EDIL3: variants seen among roughly 807,000 people sequenced by gnomAD.
EDIL3 encodes EGF like and discoidin domains 3.
In EDIL3, 37 loss-of-function variants were observed where a neutral mutation model predicts 67.4. The ratio of observed to expected loss-of-function variants is 0.55; its 90% CI spans 0.42 to 0.72. The LOEUF (loss-of-function observed/expected upper bound fraction) is 0.72. EDIL3 is among the 30% of genes least tolerant of loss of function. EDIL3 has a pLI of 0.00. For missense variants in EDIL3, 527 were observed against 586.3 expected (o/e 0.90, Z 1.04); for synonymous variants, 195 against 196.3 (o/e 0.99, Z 0.05).
At chr5:84,208,450 C>A (rs1421228190) in intron 3 of EDIL3, among the ~76,000 whole-genome samples, 2 of 151,384 alleles carry the variant, frequency 1.3e-5, no homozygotes, top group South Asian at 4.2e-4. Flanking sequence ...GAGGCCGAGG[C>A]GGGTGGATCA....
chr5:84,372,115 C>T (rs1448964501), intron 1 of EDIL3, among the ~76,000 whole-genome samples: 2 of 152,038 alleles, frequency 1.3e-5, no homozygotes, highest in Admixed American at 6.6e-5. Flanking sequence ...TTTAGGGAAG[C>T]ACATCCTTGG....
chr5:83,994,537 T>C lies in EDIL3; in HGVS notation c.1138-31177A>G, dbSNP rs572195907. ...TTAAAATCACTCATTTAATAAGCTG[T>C]TTTTCCTATAATGGCTGAACAAGAG... On this transcript the variant is annotated intron_variant, in intron 9 of 10. Coordinates refer to ENST00000296591, the MANE Select transcript of EDIL3 (RefSeq NM_005711.5). Among the ~76,000 whole-genome samples the C allele has an allele frequency of 8.5e-5, 13 of 152,274 alleles. 1 individual carries two copies. Among genetic ancestry groups the C allele is most frequent in the African/African-American group, 2.4e-4 (10 of 41,566 alleles).
At chr5:84,349,392 T>C (rs1324876528) in intron 1 of EDIL3, among the ~76,000 whole-genome samples, 1 of 152,146 alleles carries the variant, frequency 6.6e-6, no homozygotes, top group Non-Finnish European at 1.5e-5. Flanking sequence ...TATTAATAGA[T>C]CAACCAGCTA....
At chr5:84,041,748 C>T (rs1165941374) in intron 9 of EDIL3, among the ~76,000 whole-genome samples, 1 of 150,656 alleles carries the variant, frequency 6.6e-6, no homozygotes. Flanking sequence ...GTCTAAAGGA[C>T]TTTGGATTCA....
At chr5:83,952,034 T>A (rs995523532) in intron 10 of EDIL3, among the ~76,000 whole-genome samples, 1 of 151,738 alleles carries the variant, frequency 6.6e-6, no homozygotes, top group Non-Finnish European at 1.5e-5. Context: ...AGAGTGGCCA[T>A]CTCCATTCAT....
chr5:84,327,084 T>C (rs1746775338), intron 1 of EDIL3, among the ~76,000 whole-genome samples: 1 of 152,002 alleles, frequency 6.6e-6, no homozygotes, highest in Admixed American at 6.6e-5. Flanking sequence ...ATAATTAACA[T>C]ATCCATCATC....
chr5:84,303,862 G>T (rs1472169176), intron 1 of EDIL3, among the ~76,000 whole-genome samples: 1 of 150,110 alleles, frequency 6.7e-6, no homozygotes, highest in Non-Finnish European at 1.5e-5. Context: ...GTGTGTGTGT[G>T]TGTGTGCATG....
chr5:84,180,616 T>A, intron 3 of EDIL3, 95 bp from the exon 4 acceptor site: 1 of 1,334,782 alleles, frequency 7.5e-7, no homozygotes. Flanking sequence ...CAGAAAAAAG[T>A]GTTCTAGATA....
chr5:84,352,589 G>C (rs560820654), intron 1 of EDIL3, among the ~76,000 whole-genome samples: 1 of 151,916 alleles, frequency 6.6e-6, no homozygotes, highest in African/African-American at 2.4e-5. Context: ...CTAAACAATG[G>C]GTACACACGG....
chr5:83,943,367 T>C lies in EDIL3; in HGVS notation c.*52A>G, dbSNP rs1744258526. ...TACAGATTTTGCACAGTTCATTCCA[T>C]GGAGATACTTTTAGGGAAATAGGGA... On this transcript the variant is annotated 3_prime_UTR_variant, in exon 11 of 11. Transcript: ENST00000296591. The C allele has an allele frequency of 1.2e-6, 2 of 1,600,046 alleles. No homozygotes were observed. The highest frequency in any genetic ancestry group is 1.1e-5 in the South Asian group (1 of 90,720).
intron 2 of EDIL3, among the ~76,000 whole-genome samples, chr5:84,230,798 T>TGTGTGTGTGTGTGTGTGA (rs1491220256): frequency 2.0e-5 from 3 of 150,604 alleles, no homozygotes; most frequent in South Asian, 2.1e-4. Context: ...TGTGTGTGTG[T>TGTGTGTGTGTGTGTGTGA]GACATACACA....
chr5:83,996,844 T>A (rs1008250196), intron 9 of EDIL3, among the ~76,000 whole-genome samples: 22 of 152,210 alleles, frequency 1.4e-4, no homozygotes, highest in African/African-American at 5.3e-4. Context: ...GAGCAACTGA[T>A]ATAAATACAG....
chr5:84,106,198 C>G (rs1004019551), intron 6 of EDIL3, among the ~76,000 whole-genome samples: 4 of 151,942 alleles, frequency 2.6e-5, no homozygotes, highest in East Asian at 1.9e-4. Flanking sequence ...AATGAAACAC[C>G]CTCAGCTTGA....
intron 2 of EDIL3, among the ~76,000 whole-genome samples, chr5:84,243,368 G>A (rs1744836528): frequency 6.6e-6 from 1 of 152,208 alleles, no homozygotes; most frequent in Non-Finnish European, 1.5e-5. Flanking sequence ...GAAGCCAGAG[G>A]CTGTGCTGTG....
intron 1 of EDIL3, among the ~76,000 whole-genome samples, chr5:84,366,917 C>T (rs531132771): frequency 3.7e-4 from 56 of 152,240 alleles, no homozygotes; most frequent in African/African-American, 1.3e-3. Context: ...AAAATAGATG[C>T]AAATGTCCCA....
chr5:84,240,415 T>C (rs993870202), intron 2 of EDIL3, among the ~76,000 whole-genome samples: 6 of 152,162 alleles, frequency 3.9e-5, no homozygotes, highest in African/African-American at 1.4e-4. Context: ...AGGAGATGAA[T>C]AGAGGCTCTA....
chr5:84,008,514 G>A (rs1237412113), intron 9 of EDIL3, among the ~76,000 whole-genome samples: 1 of 152,044 alleles, frequency 6.6e-6, no homozygotes, highest in Non-Finnish European at 1.5e-5. Context: ...AAATAAGATG[G>A]AATATTGGGT....
chr5:84,174,992 G>A (rs980696528), intron 4 of EDIL3, among the ~76,000 whole-genome samples: 8 of 152,172 alleles, frequency 5.3e-5, no homozygotes, highest in African/African-American at 1.9e-4. Context: ...AACGTCTTAA[G>A]CTAGGTGGAG....
chr5:84,384,598 A>T lies in EDIL3; in HGVS notation c.-224T>A. ...CTTTTGCCTGCGCTCCGGCGCGCGG[A>T]GGTGGGTGAGCTCCGGGGAGCCGCC... On this transcript the variant is annotated 5_prime_UTR_variant, in exon 1 of 11. Coordinates refer to ENST00000296591, the MANE Select transcript of EDIL3 (RefSeq NM_005711.5). The T allele has an allele frequency of 2.6e-6, 1 of 377,434 alleles. No homozygotes were observed. 23.4% of individuals were successfully genotyped at this position (377,434 alleles called of 1,614,324 possible). A position where few individuals can be genotyped will look rare whatever the true frequency, so the allele number is the denominator to read the frequency against.
Sources: gnomAD v4.1 joint callset for allele counts (sites outside exome capture counted in the v4.1 genomes callset) on GRCh38, gnomAD v4.1.1 for gene constraint, MANE v1.5 for transcripts, NCBI Gene and HGNC (gene_info 2026-07-23, HGNC 2026-07-21) for gene names.